Variants in PPM1E observed in about 807,000 individuals in gnomAD.
PPM1E encodes protein phosphatase 1E.
A neutral mutation model predicts 65.9 loss-of-function variants in PPM1E; 20 were observed. The ratio of observed to expected loss-of-function variants is 0.30; its 90% CI spans 0.21 to 0.44. The LOEUF (loss-of-function observed/expected upper bound fraction) is 0.44, where lower values mean the gene tolerates loss of function less well. Among genes scored for constraint, PPM1E ranks in the 20% least tolerant of loss-of-function variants. PPM1E has a pLI of 1.00. For missense variants in PPM1E, 713 were observed against 953.1 expected, an observed-to-expected ratio of 0.75 and a Z score of 3.32; for synonymous variants, 352 against 374.9, an observed-to-expected ratio of 0.94 and a Z score of 0.70.
At chr17:58,955,909 G>T in intron 2 of PPM1E, 142 bp downstream of exon 2, 1 of 891,378 alleles carries the variant, frequency 1.1e-6, no homozygotes, top group Non-Finnish European at 1.6e-6. Context: ...GAGAAAAAAT[G>T]CAACTTTTTT....
intron 1 of PPM1E, among the ~76,000 whole-genome samples, chr17:58,846,905 A>G (rs1019775624): frequency 2.0e-5 from 3 of 152,010 alleles, no homozygotes; most frequent in African/African-American, 7.2e-5. Context: ...AAGTGTTCCT[A>G]TTTCTCCACA....
At chr17:58,967,517 T>G (rs201131839) in intron 3 of PPM1E, among the ~76,000 whole-genome samples, 1,548 of 149,444 alleles carry the variant, frequency 0.01, 18 homozygotes, top group African/African-American at 0.025. Flanking sequence ...TATATATATA[T>G]ATAGAGAGAG....
intron 1 of PPM1E, among the ~76,000 whole-genome samples, chr17:58,951,861 G>A (rs967870403): frequency 1.3e-5 from 2 of 152,168 alleles, no homozygotes; most frequent in Non-Finnish European, 1.5e-5. Context: ...TATTCCTTAC[G>A]ATTGGGGTTT....
At chr17:58,931,494 T>C (rs2051898519) in intron 1 of PPM1E, among the ~76,000 whole-genome samples, 1 of 151,734 alleles carries the variant, frequency 6.6e-6, no homozygotes, top group Non-Finnish European at 1.5e-5. Flanking sequence ...AATCTATAGA[T>C]TGAGAGAGTA....
chr17:58,772,599 C>T (rs1294526488), intron 1 of PPM1E, among the ~76,000 whole-genome samples: 1 of 152,098 alleles, frequency 6.6e-6, no homozygotes, highest in Non-Finnish European at 1.5e-5. Flanking sequence ...GAAGAGGGAG[C>T]TGAAAAGCAT....
At chr17:58,958,014 G>T (rs2029905118) in intron 2 of PPM1E, among the ~76,000 whole-genome samples, 1 of 151,962 alleles carries the variant, frequency 6.6e-6, no homozygotes, top group Non-Finnish European at 1.5e-5. Flanking sequence ...ATGGTGGCAT[G>T]CACCCGTAGC....
At chr17:58,843,926 A>G (rs1162247615) in intron 1 of PPM1E, among the ~76,000 whole-genome samples, 1 of 152,232 alleles carries the variant, frequency 6.6e-6, no homozygotes, top group Non-Finnish European at 1.5e-5. Flanking sequence ...CCCTAAGCAT[A>G]CAATGTAAAC....
chr17:58,795,722 A>G (rs1176014633), intron 1 of PPM1E, among the ~76,000 whole-genome samples: 2 of 152,052 alleles, frequency 1.3e-5, no homozygotes, highest in Non-Finnish European at 2.9e-5. Flanking sequence ...AAACAAAAAC[A>G]GCTATTCTGA....
At chr17:58,925,352 C>A (rs975537667) in intron 1 of PPM1E, among the ~76,000 whole-genome samples, 1 of 151,830 alleles carries the variant, frequency 6.6e-6, no homozygotes, top group African/African-American at 2.4e-5. Flanking sequence ...TTTTTTCATA[C>A]CTTTTTTGGC....
At chr17:58,788,229 T>C (rs556987072) in intron 1 of PPM1E, among the ~76,000 whole-genome samples, 34 of 152,146 alleles carry the variant, frequency 2.2e-4, no homozygotes, top group Non-Finnish European at 2.8e-4. Context: ...TTTTGAACTT[T>C]TAGTAGAGAC....
intron 1 of PPM1E, among the ~76,000 whole-genome samples, chr17:58,940,389 G>A (rs1391361205): frequency 1.3e-5 from 2 of 152,166 alleles, no homozygotes; most frequent in Non-Finnish European, 2.9e-5. Flanking sequence ...CTGACATGTA[G>A]GAATAACTGA....
intron 1 of PPM1E, among the ~76,000 whole-genome samples, chr17:58,893,152 A>G (rs889606192): frequency 6.6e-6 from 1 of 152,226 alleles, no homozygotes; most frequent in South Asian, 2.1e-4. Flanking sequence ...AAAATACTGC[A>G]CAGAAGTGCT....
At chr17:58,827,917 T>TA (rs2050558781) in intron 1 of PPM1E, among the ~76,000 whole-genome samples, 2 of 95,316 alleles carry the variant, frequency 2.1e-5, no homozygotes, top group Non-Finnish European at 4.7e-5. Context: ...AAAAAAATAA[T>TA]AATAATAATA....
chr17:58,931,300 C>G lies in PPM1E; in HGVS notation c.465-24349C>G, dbSNP rs922025869. ...ACTTGGGAGGATGAGGCAGGAGAAT[C>G]GCTTGAACCCGGGAGGCGGAGGTTG... is the stretch of plus-strand genomic sequence containing the variant. On this transcript the variant is annotated intron_variant, in intron 1 of 6. Transcript: ENST00000308249. Among the ~76,000 whole-genome samples the G allele has an allele frequency of 2.0e-5, 3 of 151,594 alleles. No homozygotes were observed. The South Asian group carries it at 6.2e-4, about 32-fold the overall frequency.
intron 1 of PPM1E, among the ~76,000 whole-genome samples, chr17:58,814,934 A>G (rs2050401500): frequency 6.6e-6 from 1 of 152,244 alleles, no homozygotes. Flanking sequence ...ATTCTGTGAT[A>G]CAGGTTGTTT....
At position 58,756,245 on chromosome 17, in the gene PPM1E, A is replaced by C. The variant is rs1430676036; in HGVS notation, c.248A>C (p.Gln83Pro). The C allele has an allele frequency of 4.5e-6, 7 of 1,551,694 alleles. No individual in the cohort carries two copies. The South Asian group carries it at 7.1e-5, about 16-fold the overall frequency. Residue 83 changes from glutamine to proline, a missense_variant, in exon 1 of 7, where the codon CAA becomes CCA. Gln to Pro is a moderately conservative substitution (Grantham distance 76). Coordinates refer to ENST00000308249, the MANE Select transcript of PPM1E (RefSeq NM_014906.5). Reference protein sequence around the residue: ...VAATEEGDQEQDPEPEEEAAV... With the variant: ...VAATEEGDQEPDPEPEEEAAV... ...GCGACGGAGGAGGGGGACCAGGAGC[A>C]AGACCCGGAGCCCGAGGAGGAGGCG...
chr17:58,779,302 G>T (rs1467542829), intron 1 of PPM1E, among the ~76,000 whole-genome samples: 1 of 151,278 alleles, frequency 6.6e-6, no homozygotes, highest in Non-Finnish European at 1.5e-5. Flanking sequence ...CTCCCGAGTA[G>T]CTGGGATTAT....
intron 2 of PPM1E, among the ~76,000 whole-genome samples, chr17:58,960,784 A>G (rs1036283417): frequency 2.6e-5 from 4 of 151,720 alleles, no homozygotes; most frequent in African/African-American, 9.7e-5. Flanking sequence ...AAAAAAAAGA[A>G]AAATAATTAT....
intron 1 of PPM1E, among the ~76,000 whole-genome samples, chr17:58,872,773 T>C (rs1382014338): frequency 6.6e-6 from 1 of 152,186 alleles, no homozygotes; most frequent in African/African-American, 2.4e-5. Context: ...AGTGGGGAAG[T>C]TGAGTTTCCA....
Sources: allele counts gnomAD v4.1 joint callset (sites outside exome capture counted in the v4.1 genomes callset), GRCh38; gene constraint gnomAD v4.1.1; transcripts MANE v1.5; gene names NCBI Gene and HGNC (gene_info 2026-07-23, HGNC 2026-07-21).